Variants in TMEM178B observed in about 807,000 individuals in gnomAD.
TMEM178B encodes transmembrane protein 178B.
TMEM178B carries 5 observed loss-of-function variants against 31.0 expected under a neutral mutation model. The ratio of observed to expected loss-of-function variants is 0.16; its 90% confidence interval spans 0.08 to 0.34. The LOEUF is 0.34. Among genes scored for constraint, TMEM178B ranks in the 10% least tolerant of loss-of-function variants. The pLI, the probability that TMEM178B is intolerant of heterozygous loss-of-function variation, is 1.00. For synonymous variants in TMEM178B, 164 were observed against 164.0 expected (o/e 1.00, Z 0.00); for missense variants, 275 against 400.3 (o/e 0.69, Z 2.67).
chr7:141,419,723 T>C (rs903621448), intron 2 of TMEM178B, among the ~76,000 whole-genome samples: 2 of 152,172 alleles, frequency 1.3e-5, no homozygotes, highest in African/African-American at 2.4e-5. Context: ...AAAAGCAGTT[T>C]AATTGAGCAA....
At chr7:141,465,431 C>T (rs1802132743) in intron 3 of TMEM178B, among the ~76,000 whole-genome samples, 1 of 152,104 alleles carries the variant, frequency 6.6e-6, no homozygotes, top group Non-Finnish European at 1.5e-5. Context: ...CCCAGTTTGC[C>T]ACCAAACCAC....
intron 2 of TMEM178B, among the ~76,000 whole-genome samples, chr7:141,244,075 C>T (rs1277824427): frequency 1.3e-5 from 2 of 152,114 alleles, no homozygotes; most frequent in South Asian, 2.1e-4. Flanking sequence ...ATGTTTCTCA[C>T]GATTTTTTCA....
chr7:141,185,893 A>G (rs1796602809), intron 1 of TMEM178B, among the ~76,000 whole-genome samples: 1 of 152,104 alleles, frequency 6.6e-6, no homozygotes, highest in African/African-American at 2.4e-5. Flanking sequence ...CTGATATTAA[A>G]TGCCTCAATC....
rs186091607 is a variant in TMEM178B, at chr7:141,421,523, G to A, written c.497-16085G>A. Among the ~76,000 whole-genome samples, 171 of 152,274 alleles carry A rather than the reference G, an allele frequency of 1.1e-3. 1 individual carries two copies. The highest frequency in any genetic ancestry group is 3.9e-3 in the African/African-American group (161 of 41,558). On this transcript the variant is annotated intron_variant, in intron 2 of 3. Coordinates refer to ENST00000565468, the MANE Select transcript of TMEM178B (RefSeq NM_001195278.2). ...ACCACAGAGCACAGTGAATAAAAGC[G>A]TGGGCCTTGGTTGGAGTCAGACCAA...
rs551375741 is a variant in TMEM178B, at chr7:141,244,811, G to A, written c.496+32107G>A. Among the ~76,000 whole-genome samples the A allele has an allele frequency of 5.7e-4, 87 of 152,092 alleles. 1 individual carries two copies. Among genetic ancestry groups the A allele is most frequent in the African/African-American group, 2.0e-3 (81 of 41,478 alleles). On this transcript the variant is annotated intron_variant, in intron 2 of 3. Transcript: ENST00000565468. ...TGTGAAGTGCACATAGGTTGCCCTC[G>A]GGGGGAAGAAGAACTCAGCAAAGGG...
At chr7:141,481,580 C>T (rs1191170317), downstream of TMEM178B, among the ~76,000 whole-genome samples, 1 of 152,180 alleles carries the variant, frequency 6.6e-6, no homozygotes, top group African/African-American at 2.4e-5. Flanking sequence ...CGTGGATTTA[C>T]TCTGATATAG....
intron 1 of TMEM178B, among the ~76,000 whole-genome samples, chr7:141,095,534 C>A (rs1794946209): frequency 6.6e-6 from 1 of 152,156 alleles, no homozygotes; most frequent in African/African-American, 2.4e-5. Flanking sequence ...TTGCTGCTTT[C>A]TTCCACAACT....
chr7:141,156,952 G>T (rs1796079848), intron 1 of TMEM178B, among the ~76,000 whole-genome samples: 1 of 152,190 alleles, frequency 6.6e-6, no homozygotes, highest in Non-Finnish European at 1.5e-5. Context: ...TCAGAATGCT[G>T]CTGATCTAAG....
At chr7:141,121,573 G>A (rs1055043480) in intron 1 of TMEM178B, among the ~76,000 whole-genome samples, 14 of 152,100 alleles carry the variant, frequency 9.2e-5, no homozygotes, top group Non-Finnish European at 1.5e-5. Context: ...TCCTGTAGTA[G>A]CCTCTTTAAA....
intron 2 of TMEM178B, among the ~76,000 whole-genome samples, chr7:141,403,263 C>T (rs1169026293): frequency 6.6e-6 from 1 of 152,204 alleles, no homozygotes; most frequent in Non-Finnish European, 1.5e-5. Flanking sequence ...ACGGGGGCCT[C>T]ATCAGACCCT....
intron 1 of TMEM178B, among the ~76,000 whole-genome samples, chr7:141,077,058 A>G (rs1422436143): frequency 6.6e-6 from 1 of 152,256 alleles, no homozygotes; most frequent in Non-Finnish European, 1.5e-5. Flanking sequence ...TGCATGTTAT[A>G]TTAGTAGAAT....
At chr7:141,258,435 G>C (rs1365577018) in intron 2 of TMEM178B, among the ~76,000 whole-genome samples, 6 of 152,192 alleles carry the variant, frequency 3.9e-5, no homozygotes, top group African/African-American at 7.2e-5. Flanking sequence ...CATGTGGCCT[G>C]TGGGCTGCAG....
intron 1 of TMEM178B, among the ~76,000 whole-genome samples, chr7:141,108,087 C>T (rs777008409): frequency 1.1e-4 from 17 of 151,930 alleles, no homozygotes; most frequent in Non-Finnish European, 1.9e-4. Context: ...GTAGTATTAG[C>T]GGTGGAGGAG....
At chr7:141,452,889 A>G (rs1801893397) in intron 3 of TMEM178B, among the ~76,000 whole-genome samples, 1 of 152,234 alleles carries the variant, frequency 6.6e-6, no homozygotes, top group South Asian at 2.1e-4. Flanking sequence ...TATTAAGAGA[A>G]TAAAGGCCAA....
chr7:141,152,323 G>A (rs113151395), intron 1 of TMEM178B, among the ~76,000 whole-genome samples: 1,566 of 152,298 alleles, frequency 0.01, 13 homozygotes, highest in Non-Finnish European at 0.015. Flanking sequence ...GCCCTTCTTG[G>A]TGGCTCAGGA....
At chr7:141,273,430 A>T (rs573437889) in intron 2 of TMEM178B, among the ~76,000 whole-genome samples, 23 of 152,352 alleles carry the variant, frequency 1.5e-4, no homozygotes, top group African/African-American at 4.3e-4. Flanking sequence ...TTAAATATTT[A>T]AAAAATGCTA....
At chr7:141,234,156 A>G (rs1190827678) in intron 2 of TMEM178B, among the ~76,000 whole-genome samples, 4 of 152,150 alleles carry the variant, frequency 2.6e-5, no homozygotes, top group Non-Finnish European at 5.9e-5. Context: ...ATTTGTGGGG[A>G]TAAAATATCA....
chr7:141,116,693 T>C (rs1056255170), intron 1 of TMEM178B, among the ~76,000 whole-genome samples: 2 of 151,788 alleles, frequency 1.3e-5, no homozygotes, highest in African/African-American at 4.8e-5. Flanking sequence ...CAGGCCCCAG[T>C]GTGTGATGCT....
At chr7:141,352,840 T>C (rs1799758241) in intron 2 of TMEM178B, 2 of 152,438 alleles carry the variant, frequency 1.3e-5, no homozygotes, top group South Asian at 4.2e-4. Context: ...AATAAAGTGA[T>C]GCAACCTGAA....
Sources: allele counts gnomAD v4.1 joint callset (sites outside exome capture counted in the v4.1 genomes callset), GRCh38; gene constraint gnomAD v4.1.1; transcripts MANE v1.5; gene names NCBI Gene and HGNC (gene_info 2026-07-23, HGNC 2026-07-21).